WDR7: variants seen among roughly 807,000 people sequenced by gnomAD.
The protein encoded by WDR7 is WD repeat-containing protein 7.
In WDR7, 46 loss-of-function variants were observed where a neutral mutation model predicts 169.4. That is an observed-to-expected ratio of 0.27 (90% CI 0.21 to 0.35). The LOEUF (loss-of-function observed/expected upper bound fraction) is 0.35, where lower values mean the gene tolerates loss of function less well. WDR7 is among the 10% of genes least tolerant of loss of function. The pLI is 1.00. For synonymous variants in WDR7, 612 were observed against 666.8 expected, an observed-to-expected ratio of 0.92 and a Z score of 1.27; for missense variants, 1,534 against 1,859.3, an observed-to-expected ratio of 0.83 and a Z score of 3.22.
At chr18:56,968,408 A>G (rs1324612100) in intron 26 of WDR7, among the ~76,000 whole-genome samples, 2 of 152,244 alleles carry the variant, frequency 1.3e-5, no homozygotes, top group Admixed American at 1.3e-4. Flanking sequence ...GGTTATGGTT[A>G]TATTTCAGTA....
chr18:56,863,212 TTTC>T (rs1311861159), intron 20 of WDR7, among the ~76,000 whole-genome samples: 1 of 151,846 alleles, frequency 6.6e-6, no homozygotes, highest in Non-Finnish European at 1.5e-5. Context: ...TAAAATCTCT[TTTC>T]TTATTTTTAC....
At chr18:56,708,097 T>C (rs1322899807) in intron 12 of WDR7, among the ~76,000 whole-genome samples, 1 of 150,176 alleles carries the variant, frequency 6.7e-6, no homozygotes, top group Non-Finnish European at 1.5e-5. Flanking sequence ...ACAGTGGCGC[T>C]ATCTCTTCTC....
At position 56,682,661 on chromosome 18, in the gene WDR7, C is replaced by A. The variant is rs1399350909; in HGVS notation, c.346-18C>A. The A allele has an allele frequency of 6.3e-7, 1 of 1,596,218 alleles. No individual in the cohort carries two copies. Among genetic ancestry groups the A allele is most frequent in the East Asian group, 2.2e-5 (1 of 44,646 alleles). ...GGAGAACACTCAGAAATCTTTTTTC[C>A]TTTTGGCATGAATGTAGTTCTACCA... On this transcript the variant is annotated intron_variant, in intron 4 of 27. Coordinates refer to ENST00000254442, the MANE Select transcript of WDR7 (RefSeq NM_015285.3).
chr18:56,867,698 T>C (rs1451263046), intron 20 of WDR7, among the ~76,000 whole-genome samples: 1 of 152,204 alleles, frequency 6.6e-6, no homozygotes, highest in East Asian at 1.9e-4. Context: ...CTACTGTTTA[T>C]TTCAGGAGTA....
chr18:56,661,329 C>G (rs530994074), intron 1 of WDR7, among the ~76,000 whole-genome samples: 14 of 152,088 alleles, frequency 9.2e-5, no homozygotes, highest in African/African-American at 3.4e-4. Context: ...CTTGAAATTG[C>G]TGTAGGTTGG....
intron 26 of WDR7, among the ~76,000 whole-genome samples, chr18:56,984,832 C>T (rs1052909760): frequency 6.6e-6 from 1 of 152,084 alleles, no homozygotes; most frequent in African/African-American, 2.4e-5. Context: ...GGCGGTTTTC[C>T]TACAGCAGCC....
chr18:57,009,316 GC>G (rs974033490), intron 26 of WDR7, among the ~76,000 whole-genome samples: 9 of 152,160 alleles, frequency 5.9e-5, no homozygotes, highest in Non-Finnish European at 5.9e-5. Flanking sequence ...TGTGAAAGGA[GC>G]TTTAAGTTAG....
At chr18:56,999,993 C>A (rs1181172087) in intron 26 of WDR7, among the ~76,000 whole-genome samples, 1 of 152,132 alleles carries the variant, frequency 6.6e-6, no homozygotes, top group Non-Finnish European at 1.5e-5. Flanking sequence ...AAATTCCTAT[C>A]CTCTGGACCT....
chr18:56,924,150 T>C, intron 22 of WDR7, 42 bp downstream of exon 22: 3 of 1,601,848 alleles, frequency 1.9e-6, no homozygotes, highest in Non-Finnish European at 2.5e-6. Flanking sequence ...CACTGTTTTT[T>C]GTTTTAGGGG....
rs961487969 is a variant in WDR7 at position 57,017,005 on chromosome 18, A to C, written c.4165-3740A>C. ...GTTGAAACTTGTTTGTTTTTTGGAA[A>C]ATGTTCTTCAAGGTCTAGCATTTGA... On this transcript the variant is annotated intron_variant, in intron 26 of 27. Coordinates refer to ENST00000254442, the MANE Select transcript of WDR7 (RefSeq NM_015285.3). Among the ~76,000 whole-genome samples, 5 of 152,218 alleles carry C rather than the reference A, an allele frequency of 3.3e-5. No homozygotes were observed. The East Asian group carries it at 7.7e-4, about 23-fold the overall frequency.
At chr18:56,901,083 T>G (rs898649637) in intron 21 of WDR7, among the ~76,000 whole-genome samples, 2 of 152,182 alleles carry the variant, frequency 1.3e-5, no homozygotes. Context: ...ACTAAAATTT[T>G]ATTATCTGCT....
chr18:56,943,982 G>GTTTTTTTT (rs397858369), intron 25 of WDR7, among the ~76,000 whole-genome samples: 39 of 78,754 alleles, frequency 5.0e-4, no homozygotes, highest in East Asian at 1.3e-3. Flanking sequence ...TGTTTTGTGG[G>GTTTTTTTT]TTTTTTTTTT....
At chr18:56,737,133 C>T (rs1436411591) in intron 14 of WDR7, among the ~76,000 whole-genome samples, 1 of 152,052 alleles carries the variant, frequency 6.6e-6, no homozygotes, top group Non-Finnish European at 1.5e-5. Context: ...ATCCCAACAC[C>T]ACCCAGCATA....
intron 26 of WDR7, among the ~76,000 whole-genome samples, chr18:56,973,674 T>G (rs917815983): frequency 2.0e-5 from 3 of 152,208 alleles, no homozygotes; most frequent in African/African-American, 7.2e-5. Context: ...ATATGACTCA[T>G]GAGTATTCTA....
chr18:56,746,148 T>C (rs2043699302), intron 14 of WDR7, among the ~76,000 whole-genome samples: 2 of 152,210 alleles, frequency 1.3e-5, no homozygotes, highest in South Asian at 4.1e-4. Flanking sequence ...GTATAGGAAG[T>C]ATAACTGGTA....
chr18:56,838,246 G>A (rs1053183627), intron 20 of WDR7, among the ~76,000 whole-genome samples: 5 of 151,930 alleles, frequency 3.3e-5, no homozygotes, highest in South Asian at 2.1e-4. Flanking sequence ...ATACCTGAAA[G>A]TATGTTCTTT....
In WDR7 at chr18:56,851,376, G is replaced by A. The variant is rs185020453; in HGVS notation, c.3305-28568G>A. On this transcript the variant is annotated intron_variant, in intron 20 of 27. Transcript: ENST00000254442. ...CCCAACTATCTCCTACTCATCTCACGACACTCAGCTCTTACATCTTTTCTG... is the reference window on the plus strand; with the variant it reads ...CCCAACTATCTCCTACTCATCTCACAACACTCAGCTCTTACATCTTTTCTG... 7.9e-5 allele frequency among the ~76,000 whole-genome samples: 12 copies of A among 152,096 alleles called. No individual in the cohort carries two copies. In the East Asian group the frequency reaches 1.9e-3, roughly 24 times the overall value.
chr18:56,917,428 G>A (rs1001944899), intron 21 of WDR7, among the ~76,000 whole-genome samples: 2 of 152,092 alleles, frequency 1.3e-5, no homozygotes, highest in Non-Finnish European at 2.9e-5. Context: ...CCTATAACAG[G>A]CATTCAATAA....
intron 19 of WDR7, among the ~76,000 whole-genome samples, chr18:56,806,221 T>A (rs2145178690): frequency 6.6e-6 from 1 of 152,296 alleles, no homozygotes; most frequent in South Asian, 2.1e-4. Context: ...CCTTCATTTT[T>A]ATTTTCTTTG....
Sources: gnomAD v4.1 joint callset for allele counts (sites outside exome capture counted in the v4.1 genomes callset) on GRCh38, gnomAD v4.1.1 for gene constraint, MANE v1.5 for transcripts, NCBI Gene and HGNC (gene_info 2026-07-23, HGNC 2026-07-21) for gene names.